EVC2: variants seen among roughly 807,000 people sequenced by gnomAD.
EVC2 encodes the protein EvC ciliary complex subunit 2, also known as limbin.
A neutral mutation model predicts 149.3 loss-of-function variants in EVC2; 148 were observed. The ratio of observed to expected loss-of-function variants is 0.99; its 90% CI spans 0.87 to 1.14. The LOEUF is 1.14. Among genes scored for constraint, EVC2 ranks in the 50% most tolerant of loss-of-function variants. EVC2 has a pLI of 0.00. For synonymous variants in EVC2, 776 were observed against 649.9 expected, an observed-to-expected ratio of 1.19 and a Z score of -2.95; for missense variants, 1,854 against 1,627.3, an observed-to-expected ratio of 1.14 and a Z score of -2.40.
At chr4:5,596,669 T>A (rs1008325461) in intron 16 of EVC2, among the ~76,000 whole-genome samples, 2 of 151,498 alleles carry the variant, frequency 1.3e-5, no homozygotes, top group African/African-American at 2.4e-5. Flanking sequence ...ACTACAGAAG[T>A]AAGAGCAAAC....
intron 9 of EVC2, among the ~76,000 whole-genome samples, chr4:5,655,634 T>G (rs1426582199): frequency 6.6e-6 from 1 of 151,122 alleles, no homozygotes; most frequent in Non-Finnish European, 1.5e-5. Context: ...ATATGGGAAA[T>G]AGACACAACT....
At chr4:5,701,888 T>G (rs1181406882) in intron 1 of EVC2, among the ~76,000 whole-genome samples, 6 of 152,014 alleles carry the variant, frequency 3.9e-5, no homozygotes, top group Non-Finnish European at 8.8e-5. Flanking sequence ...TGGCTCTACC[T>G]TGAAAAAACA....
chr4:5,533,794 T>A, the EVC2 span, among the ~76,000 whole-genome samples: 30,416 of 152,012 alleles, frequency 0.2, 3,586 homozygotes, highest in East Asian at 0.6. Context: ...CCAAAAGGCC[T>A]ACTGGAGGAG....
In EVC2 at chr4:5,649,095, G is replaced by A. The variant is rs945840848; in HGVS notation, c.1146-8257C>T. ...AAAGTCCCTAACAATCCCATGAGGC[G>A]GACAGAGACATTTTGGGTTACACAT... On this transcript the variant is annotated intron_variant, in intron 9 of 21. Coordinates refer to ENST00000344408, the MANE Select transcript of EVC2 (RefSeq NM_147127.5). Among the ~76,000 whole-genome samples the A allele has an allele frequency of 4.6e-5, 7 of 152,154 alleles. No homozygotes were observed. In the South Asian group the frequency reaches 1.0e-3, roughly 23 times the overall value.
chr4:5,543,718 C>A (rs1379139778), intron 21 of EVC2, among the ~76,000 whole-genome samples: 1 of 152,012 alleles, frequency 6.6e-6, no homozygotes, highest in Non-Finnish European at 1.5e-5. Flanking sequence ...ATAGAAACCC[C>A]AGGTAGGTAA....
rs1719598063 is a variant in EVC2, at chr4:5,670,745, A to ACGCCATCATCAGCAGCAT, written c.871-5114_871-5097dup. On this transcript the variant is annotated intron_variant, in intron 7 of 21. Coordinates refer to ENST00000344408, the MANE Select transcript of EVC2 (RefSeq NM_147127.5). The surrounding 1 kb of genome is among the most constrained non-coding windows in gnomAD (Gnocchi z 5.2). Reference sequence around the variant, plus strand: ...ACCATCATCTTCACCATCACCATCAACGCCATCATCAGCAGCATCGCCATC... The same window carrying ACGCCATCATCAGCAGCAT: ...ACCATCATCTTCACCATCACCATCAACGCCATCATCAGCAGCATCGCCATCATCAGCAGCATCGCCATC... Among the ~76,000 whole-genome samples, 1 of 149,360 alleles carries ACGCCATCATCAGCAGCAT rather than the reference A, an allele frequency of 6.7e-6. No individual in the cohort carries two copies. The highest frequency in any genetic ancestry group is 1.5e-5 in the Non-Finnish European group (1 of 67,312).
downstream of EVC2, among the ~76,000 whole-genome samples, chr4:5,558,014 T>C (rs542008764): frequency 2.0e-5 from 3 of 152,278 alleles, no homozygotes; most frequent in East Asian, 5.8e-4. Context: ...TATAGGTCTA[T>C]AGAATATCAA....
At chr4:5,623,013 T>C (rs376814514) in intron 13 of EVC2, 22 bp from the exon 14 acceptor site, 107 of 1,612,440 alleles carry the variant, frequency 6.6e-5, no homozygotes, top group Admixed American at 1.7e-5. Flanking sequence ...GAAAAGAAAA[T>C]TAAGTGGGGG....
Position 5,618,397 on chromosome 4 carries a change from G to C in EVC2, c.2706+81C>G, listed in dbSNP as rs1715428300. On this transcript the variant is annotated intron_variant, in intron 15 of 21. Coordinates refer to ENST00000344408, the MANE Select transcript of EVC2 (RefSeq NM_147127.5). This position sits in a 1 kb window ranked among gnomAD's most constrained non-coding sequence, Gnocchi z 4.4. Reference sequence around the variant, plus strand: ...CATGAGGTGAGATGGGCTCAGGCTGGGGAAGAGGCCAGACCCTGTAGGGCC... The same window carrying C: ...CATGAGGTGAGATGGGCTCAGGCTGCGGAAGAGGCCAGACCCTGTAGGGCC... 6.5e-7 allele frequency: 1 copy of C among 1,527,538 alleles called. No homozygotes were observed. Among genetic ancestry groups the C allele is most frequent in the Admixed American group, 1.7e-5 (1 of 58,788 alleles). The allele number at this position is 1,527,538 out of a possible 1,614,324, so 94.6% of individuals were successfully genotyped here. A position where few individuals can be genotyped will look rare whatever the true frequency, so the allele number is the denominator to read the frequency against.
At chr4:5,655,494 C>T (rs982671236) in intron 9 of EVC2, among the ~76,000 whole-genome samples, 7 of 152,140 alleles carry the variant, frequency 4.6e-5, no homozygotes, top group African/African-American at 1.4e-4. Context: ...CTCTGGCACA[C>T]GTTCCCTCTG....
chr4:5,666,476 G>T (rs1334845034), intron 7 of EVC2, among the ~76,000 whole-genome samples: 1 of 152,164 alleles, frequency 6.6e-6, no homozygotes, highest in Admixed American at 6.5e-5. Context: ...TTGCTTCAGT[G>T]TGAATTAGCA....
chr4:5,568,138 C>T (rs1722413410), intron 20 of EVC2, among the ~76,000 whole-genome samples: 1 of 152,148 alleles, frequency 6.6e-6, no homozygotes, highest in Admixed American at 6.5e-5. Flanking sequence ...CAGAGAAACA[C>T]ATTCTGGAGG....
In EVC2 at chr4:5,625,797, C is replaced by A; in HGVS notation, c.1998G>T (p.Lys666Asn). Residue 666 changes from lysine to asparagine, a missense_variant, in exon 13 of 22, where the codon AAG (lysine) becomes AAT (asparagine). Physicochemically the swap from Lys to Asn is moderately conservative, Grantham distance 94. Coordinates refer to ENST00000344408, the MANE Select transcript of EVC2 (RefSeq NM_147127.5). This position sits in a 1 kb window ranked among gnomAD's most constrained non-coding sequence, Gnocchi z 4.0. ...TCTTAGTTATTAATTTTTGGTGGAGCTTTTTCTTTTCCTGCTTTAAGTCAT... is the reference window on the plus strand; with the variant it reads ...TCTTAGTTATTAATTTTTGGTGGAGATTTTTCTTTTCCTGCTTTAAGTCAT... Reference protein sequence around the residue: ...LDNDLKQEKKKLHQKLITKRR... With the variant: ...LDNDLKQEKKNLHQKLITKRR... 6.2e-7 allele frequency: 1 copy of A among 1,614,036 alleles called. No homozygotes were observed. The highest frequency in any genetic ancestry group is 1.1e-5 in the South Asian group (1 of 91,066).
At chr4:5,535,631 G>GAGAGAGAGAGAGAGAC in the EVC2 span, among the ~76,000 whole-genome samples, 678 of 150,772 alleles carry the variant, frequency 4.5e-3, 2 homozygotes, top group East Asian at 0.015. This position sits in a 1 kb window ranked among gnomAD's most constrained non-coding sequence, Gnocchi z 4.7. Context: ...GAGAGAGAGA[G>GAGAGAGAGAGAGAGAC]AGAAAGAGAT....
Position 5,596,753 on chromosome 4 carries a change from A to T in EVC2, c.2830-11903T>A, listed in dbSNP as rs192814703. Among the ~76,000 whole-genome samples, 5 of 152,282 alleles carry T rather than the reference A, an allele frequency of 3.3e-5. No individual in the cohort carries two copies. The South Asian group carries it at 6.2e-4, about 19-fold the overall frequency. On this transcript the variant is annotated intron_variant, in intron 16 of 21. Coordinates refer to ENST00000344408, the MANE Select transcript of EVC2 (RefSeq NM_147127.5). ...ACTGAAGGAAATAGAGACACAAAAA[A>T]CCCTTCAAAAAATCAATGAATCCAA...
chr4:5,640,674 A>G lies in EVC2; in HGVS notation c.1310T>C (p.Leu437Pro). 6.2e-7 allele frequency: 1 copy of G among 1,614,172 alleles called. No homozygotes were observed. Among genetic ancestry groups the G allele is most frequent in the Non-Finnish European group, 8.5e-7 (1 of 1,180,046 alleles). The stretch of plus-strand genomic sequence containing the variant: ...CTCTTGTATTTCATTTTCCAGCAAT[A>G]GAAACTGCTTTTTGAAAACAGCACT... Reference protein sequence around the residue: ...KMSAVFKKQFLLLENEIQEEY... With the variant: ...KMSAVFKKQFPLLENEIQEEY... Residue 437 changes from leucine to proline, a missense_variant, in exon 10 of 22, where the codon CTA becomes CCA. Physicochemically the swap from Leu to Pro is moderately conservative, Grantham distance 98. Coordinates refer to ENST00000344408, the MANE Select transcript of EVC2 (RefSeq NM_147127.5). The surrounding 1 kb of genome is among the most constrained non-coding windows in gnomAD (Gnocchi z 4.6).
the EVC2 span, among the ~76,000 whole-genome samples, chr4:5,536,796 A>G: frequency 1.3e-5 from 2 of 151,848 alleles, no homozygotes; most frequent in African/African-American, 4.8e-5. Flanking sequence ...AAAAAAAAAA[A>G]TAGTCATTAT....
chr4:5,603,320 G>T (rs1021996548), intron 16 of EVC2, among the ~76,000 whole-genome samples: 3 of 152,174 alleles, frequency 2.0e-5, no homozygotes, highest in African/African-American at 7.2e-5. Context: ...TGCCTCAAGG[G>T]ATAAGACGGG....
Position 5,670,739 on chromosome 4 carries a change from CCATCAA to C in EVC2, c.871-5096_871-5091del, listed in dbSNP as rs1011599845. Among the ~76,000 whole-genome samples, 21 of 151,796 alleles carry C rather than the reference CCATCAA, an allele frequency of 1.4e-4. No homozygotes were observed. The highest frequency in any genetic ancestry group is 2.6e-4 in the Non-Finnish European group (18 of 68,018). ...TCCATCACCATCATCTTCACCATCACCATCAACGCCATCATCAGCAGCATCGCCATC... is the reference window on the plus strand; with the variant it reads ...TCCATCACCATCATCTTCACCATCACCGCCATCATCAGCAGCATCGCCATC... On this transcript the variant is annotated intron_variant, in intron 7 of 21. Coordinates refer to ENST00000344408, the MANE Select transcript of EVC2 (RefSeq NM_147127.5). This position sits in a 1 kb window ranked among gnomAD's most constrained non-coding sequence, Gnocchi z 5.2.
Sources: gnomAD v4.1 joint callset for allele counts (sites outside exome capture counted in the v4.1 genomes callset) on GRCh38, gnomAD v4.1.1 for gene constraint, Gnocchi (gnomAD v3.1) non-coding constraint, MANE v1.5 for transcripts, NCBI Gene and HGNC (gene_info 2026-07-23, HGNC 2026-07-21) for gene names.